SMIM19: variants seen among roughly 807,000 people sequenced by gnomAD.
SMIM19 encodes the protein small integral membrane protein 19.
SMIM19 carries 6 observed loss-of-function variants against 13.2 expected under a neutral mutation model. That is an observed-to-expected ratio of 0.45 (90% CI 0.25 to 0.90). The LOEUF (loss-of-function observed/expected upper bound fraction) is 0.90. SMIM19 is among the 40% of genes least tolerant of loss of function. SMIM19 has a pLI of 0.19. For synonymous variants in SMIM19, 46 were observed against 43.1 expected (o/e 1.07, Z -0.27); for missense variants, 138 against 131.0 (o/e 1.05, Z -0.26).
intron 2 of SMIM19, among the ~76,000 whole-genome samples, chr8:42,546,826 T>C (rs10107538): frequency 0.084 from 12,684 of 151,004 alleles, 1,168 homozygotes; most frequent in African/African-American, 0.22. Context: ...CTACTAAAAA[T>C]ACAAAAATTA....
At chr8:42,542,404 C>G in intron 1 of SMIM19, 31 bp downstream of exon 1, 3 of 984,578 alleles carry the variant, frequency 3.0e-6, no homozygotes, top group African/African-American at 1.7e-5. Flanking sequence ...GAATACCAAG[C>G]CTTTAGTGTT....
Position 42,541,728 on chromosome 8 carries a change from T to G in SMIM19, c.-650T>G, listed in dbSNP as rs558081417. The G allele has an allele frequency of 8.8e-5, 13 of 147,882 alleles. No individual in the cohort carries two copies. Among genetic ancestry groups the G allele is most frequent in the East Asian group, 4.2e-4 (2 of 4,808 alleles). 9.2% of individuals were successfully genotyped at this position (147,882 alleles called of 1,614,324 possible). A position where few individuals can be genotyped will look rare whatever the true frequency, so the allele number is the denominator to read the frequency against. Reference sequence around the variant, plus strand: ...AGCGTGAGTGGCCCCGCGTCCCCGCTTCTCCCGGTCCCCGGCGGGGCCGCG... The same window carrying G: ...AGCGTGAGTGGCCCCGCGTCCCCGCGTCTCCCGGTCCCCGGCGGGGCCGCG... On this transcript the variant is annotated 5_prime_UTR_variant, in exon 1 of 4. Transcript: ENST00000417410.
intron 1 of SMIM19, among the ~76,000 whole-genome samples, chr8:42,546,081 C>T (rs753957336): frequency 6.6e-6 from 1 of 152,038 alleles, no homozygotes; most frequent in African/African-American, 2.4e-5. Context: ...GCCCAAGTCC[C>T]GATATAAAAT....
chr8:42,547,994 A>G (rs1813544854), intron 2 of SMIM19, among the ~76,000 whole-genome samples: 1 of 152,214 alleles, frequency 6.6e-6, no homozygotes, highest in Non-Finnish European at 1.5e-5. Flanking sequence ...CTGAGGAATC[A>G]TTCAGAGCCC....
At chr8:42,545,532 T>C (rs1355729431) in intron 1 of SMIM19, among the ~76,000 whole-genome samples, 1 of 152,122 alleles carries the variant, frequency 6.6e-6, no homozygotes, top group African/African-American at 2.4e-5. Context: ...GTTGAGTCTC[T>C]GTGGTTTTTG....
chr8:42,548,905 T>C (rs1653201615), intron 3 of SMIM19, 125 bp downstream of exon 3: 2 of 951,232 alleles, frequency 2.1e-6, no homozygotes, highest in Non-Finnish European at 3.0e-6. Flanking sequence ...TTCTTTCAGA[T>C]GTTTAATATG....
chr8:42,548,307 T>C (rs1347490629), intron 2 of SMIM19: 1 of 444,570 alleles, frequency 2.2e-6, no homozygotes, highest in East Asian at 7.0e-5. Flanking sequence ...CCCAGTCATT[T>C]AGCTTTATCT....
intron 1 of SMIM19, among the ~76,000 whole-genome samples, chr8:42,544,883 T>C (rs1563567143): frequency 3.3e-5 from 5 of 152,208 alleles, no homozygotes. Context: ...GCTGGCCAAA[T>C]CTACACTAAT....
rs376759514 is a variant in SMIM19 at position 42,546,549 on chromosome 8, C to T, written c.77C>T (p.Thr26Ile). 3.6e-5 allele frequency: 58 copies of T among 1,614,078 alleles called. No homozygotes were observed. The highest frequency in any genetic ancestry group is 1.6e-4 in the Middle Eastern group (1 of 6,084). Residue 26 changes from threonine to isoleucine, a missense_variant, in exon 2 of 4, where the codon ACC (threonine) becomes ATC (isoleucine). Coordinates refer to ENST00000417410, the MANE Select transcript of SMIM19 (RefSeq NM_001135674.2). Reference sequence around the variant, plus strand: ...GTTCACGAAGCCTGGAATGAAGCCACCAATGTTTACTTGATAGTTATCCTT... The same window carrying T: ...GTTCACGAAGCCTGGAATGAAGCCATCAATGTTTACTTGATAGTTATCCTT... ...YTVHEAWNEA[T>I]NVYLIVILVS... is the part of the protein sequence containing the mutation.
chr8:42,549,327 G>A (rs1219913778), intron 3 of SMIM19, among the ~76,000 whole-genome samples: 3 of 151,906 alleles, frequency 2.0e-5, no homozygotes, highest in African/African-American at 4.8e-5. Flanking sequence ...CAGGAGAATC[G>A]CTCGAACCTG....
Position 42,552,851 on chromosome 8 carries a change from C to T in SMIM19, c.*243C>T. 2.4e-6 allele frequency: 1 copy of T among 422,182 alleles called. No individual in the cohort carries two copies. The highest frequency in any genetic ancestry group is 4.2e-6 in the Non-Finnish European group (1 of 237,162). 26.2% of individuals were successfully genotyped at this position (422,182 alleles called of 1,614,324 possible). On this transcript the variant is annotated 3_prime_UTR_variant, in exon 4 of 4. Transcript: ENST00000417410. ...AACCAGCGATGGTGACTTGACCTTGCCAAGACCTGTGATTCCTTCAGGATA... is the reference window on the plus strand; with the variant it reads ...AACCAGCGATGGTGACTTGACCTTGTCAAGACCTGTGATTCCTTCAGGATA...
At chr8:42,543,075 G>A (rs539585242) in intron 1 of SMIM19, among the ~76,000 whole-genome samples, 3 of 151,618 alleles carry the variant, frequency 2.0e-5, no homozygotes, top group African/African-American at 7.3e-5. Flanking sequence ...ATATACTCTT[G>A]TTTACTTGAG....
In SMIM19 at chr8:42,554,420, T is replaced by G. The variant is rs1813761583; in HGVS notation, c.*1812T>G. 6.6e-6 allele frequency: 1 copy of G among 152,194 alleles called. No homozygotes were observed. The highest frequency in any genetic ancestry group is 6.5e-5 in the Admixed American group (1 of 15,276). 9.4% of individuals were successfully genotyped at this position (152,194 alleles called of 1,614,324 possible). A position where few individuals can be genotyped will look rare whatever the true frequency, so the allele number is the denominator to read the frequency against. ...GGACAAATTACACAAACTGGCTATC[T>G]CAGATGTGTAAAATTAATGTACATA... On this transcript the variant is annotated 3_prime_UTR_variant, in exon 4 of 4. Transcript: ENST00000417410.
upstream of SMIM19, chr8:42,541,547 C>G (rs1324228878): frequency 2.0e-5 from 3 of 148,242 alleles, no homozygotes; most frequent in South Asian, 4.2e-4. Flanking sequence ...CCTGGCTCCT[C>G]GTTTCATCCG....
rs528164622 is a variant in SMIM19, at chr8:42,552,812, T to C, written c.*204T>C. 1.4e-4 allele frequency: 76 copies of C among 555,482 alleles called. 3 individuals carry two copies. The South Asian group carries it at 1.9e-3, about 14-fold the overall frequency. 34.4% of individuals were successfully genotyped at this position (555,482 alleles called of 1,614,324 possible). On this transcript the variant is annotated 3_prime_UTR_variant, in exon 4 of 4. Coordinates refer to ENST00000417410, the MANE Select transcript of SMIM19 (RefSeq NM_001135674.2). ...CCTTGACACAGGGAACCTGCACATA[T>C]CCAGGATATGTGTAACCAGCGATGG...
chr8:42,548,215 GC>G (rs1345739935), intron 2 of SMIM19, among the ~76,000 whole-genome samples: 1 of 152,180 alleles, frequency 6.6e-6, no homozygotes, highest in Admixed American at 6.5e-5. Flanking sequence ...TCTCCACTAA[GC>G]CCATCCTATT....
At chr8:42,546,807 AC>A (rs1341454578) in intron 2 of SMIM19, among the ~76,000 whole-genome samples, 1 of 151,502 alleles carries the variant, frequency 6.6e-6, no homozygotes, top group East Asian at 1.9e-4. Flanking sequence ...ACATGGTGAA[AC>A]CCTGTCTCTA....
At chr8:42,541,518 GAAAAAAA>G (rs34936218), upstream of SMIM19, 1 of 125,800 alleles carries the variant, frequency 7.9e-6, no homozygotes, top group African/African-American at 3.0e-5. Context: ...AAGGGGAAAG[GAAAAAAA>G]AAAAAAAAAG....
intron 1 of SMIM19, among the ~76,000 whole-genome samples, chr8:42,543,757 C>T (rs547569759): frequency 6.6e-6 from 1 of 152,256 alleles, no homozygotes; most frequent in East Asian, 1.9e-4. Context: ...ATAAATGACA[C>T]CCGTGAAATG....
Sources: gnomAD v4.1 joint callset for allele counts (sites outside exome capture counted in the v4.1 genomes callset) on GRCh38, gnomAD v4.1.1 for gene constraint, MANE v1.5 for transcripts, NCBI Gene and HGNC (gene_info 2026-07-23, HGNC 2026-07-21) for gene names.